SHROOM3: variants seen among roughly 807,000 people sequenced by gnomAD.
SHROOM3 encodes protein Shroom3.
SHROOM3 carries 47 observed loss-of-function variants against 138.6 expected under a neutral mutation model. The observed-to-expected ratio is 0.34, with a 90% CI of 0.27 to 0.43. The LOEUF is 0.43. SHROOM3 is among the 20% of genes least tolerant of loss of function. The pLI is 1.00. For missense variants in SHROOM3, 2,491 were observed against 2,596.5 expected, an observed-to-expected ratio of 0.96 and a Z score of 0.88; for synonymous variants, 1,062 against 1,063.3, an observed-to-expected ratio of 1.00 and a Z score of 0.02.
intron 2 of SHROOM3, among the ~76,000 whole-genome samples, chr4:76,612,323 A>T (rs1018787679): frequency 4.6e-5 from 7 of 152,174 alleles, no homozygotes; most frequent in Non-Finnish European, 8.8e-5. Flanking sequence ...TTAGCCAAAA[A>T]AGATATAAGT....
In SHROOM3 at chr4:76,739,430, T is replaced by G; in HGVS notation, c.1257T>G (p.Ser419=). The G allele has an allele frequency of 6.2e-7, 1 of 1,614,166 alleles. No homozygotes were observed. The highest frequency in any genetic ancestry group is 8.5e-7 in the Non-Finnish European group (1 of 1,180,038). The change falls in exon 5 of 11, where the codon TCT becomes TCG. Residue 419 remains serine (S), a synonymous_variant. Transcript: ENST00000296043. ...GGCTCTGCCGGCCTCAGGCAAACTC[T>G]TTAGGCTCCCTGAAGTCTCCATTCA... ...QKRLCRPQAN[S]LGSLKSPFIE... is the part of the protein sequence containing the mutation.
Position 76,741,898 on chromosome 4 carries a change from C to A in SHROOM3, c.3725C>A (p.Ser1242Ter). The change falls in exon 5 of 11, where the codon TCA (serine) becomes TAA (stop). Residue 1242 changes from serine (S) to a stop codon, truncating the protein, a stop_gained. Transcript: ENST00000296043. LOFTEE classifies it high-confidence loss of function. This position sits in a 1 kb window ranked among gnomAD's most constrained non-coding sequence, Gnocchi z 6.2. ...LAGPVHVRSR[S>*]SPATADKRQD... ...GGCCCTGTCCATGTGAGGTCCAGGTCATCTCCCGCCACCGCAGACAAGCGC... is the reference window on the plus strand; with the variant it reads ...GGCCCTGTCCATGTGAGGTCCAGGTAATCTCCCGCCACCGCAGACAAGCGC... The A allele has an allele frequency of 6.2e-7, 1 of 1,612,382 alleles. No homozygotes were observed. Among genetic ancestry groups the A allele is most frequent in the South Asian group, 1.1e-5 (1 of 90,956 alleles).
At chr4:76,593,260 C>G (rs1466584774) in intron 2 of SHROOM3, among the ~76,000 whole-genome samples, 3 of 152,160 alleles carry the variant, frequency 2.0e-5, no homozygotes, top group Admixed American at 2.0e-4. Flanking sequence ...GCTGATTAAT[C>G]AATCAATAGT....
intron 1 of SHROOM3, among the ~76,000 whole-genome samples, chr4:76,476,229 C>T (rs1037865565): frequency 6.6e-6 from 1 of 152,092 alleles, no homozygotes; most frequent in South Asian, 2.1e-4. Flanking sequence ...TTTGAAAACC[C>T]TTTGTTTTGA....
intron 2 of SHROOM3, among the ~76,000 whole-genome samples, chr4:76,593,841 A>C (rs4859694): frequency 0.59 from 89,908 of 151,944 alleles, 27,378 homozygotes; most frequent in East Asian, 0.85. Flanking sequence ...CAGTGTCACC[A>C]TGGTCCTGGT....
intron 9 of SHROOM3, among the ~76,000 whole-genome samples, chr4:76,766,093 G>C (rs1204025437): frequency 6.6e-6 from 1 of 152,198 alleles, no homozygotes; most frequent in Non-Finnish European, 1.5e-5. Context: ...CGTACCAGCT[G>C]CATGGCCTTG....
chr4:76,693,445 A>G (rs1364224348), intron 2 of SHROOM3, among the ~76,000 whole-genome samples: 1 of 135,280 alleles, frequency 7.4e-6, no homozygotes, highest in African/African-American at 2.8e-5. Flanking sequence ...GTGCAGTGGC[A>G]CAATCTTGGC....
intron 1 of SHROOM3, among the ~76,000 whole-genome samples, chr4:76,513,317 G>A (rs115182003): frequency 4.3e-4 from 64 of 148,236 alleles, no homozygotes; most frequent in African/African-American, 1.5e-3. Context: ...GATGTTTGAG[G>A]GGAAAATAAT....
chr4:76,610,353 A>G (rs566070023), intron 2 of SHROOM3, among the ~76,000 whole-genome samples: 1 of 152,318 alleles, frequency 6.6e-6, no homozygotes, highest in East Asian at 1.9e-4. Flanking sequence ...GTAATTTTGA[A>G]TTTCCTAAAA....
intron 10 of SHROOM3, among the ~76,000 whole-genome samples, chr4:76,771,937 A>C (rs1722374266): frequency 6.6e-6 from 1 of 152,126 alleles, no homozygotes; most frequent in Admixed American, 6.5e-5. Context: ...AAGCAGACAG[A>C]TCCTACCCTC....
At position 76,740,622 on chromosome 4, in the gene SHROOM3, A is replaced by G. The variant is rs1721217943; in HGVS notation, c.2449A>G (p.Thr817Ala). Residue 817 changes from threonine (T) to alanine (A), a missense_variant, in exon 5 of 11, where the codon ACT becomes GCT. By Grantham distance (58) the Thr-to-Ala change is moderately conservative (BLOSUM62 0). Around this residue, in one of 4 missense-constraint regions of SHROOM3, gnomAD observed 1,733 missense variants for 1,661.6 expected, o/e 1.04. Coordinates refer to ENST00000296043, the MANE Select transcript of SHROOM3 (RefSeq NM_020859.4). This position sits in a 1 kb window ranked among gnomAD's most constrained non-coding sequence, Gnocchi z 4.0. ...CTATAGGCCCCACAGGACCGTCTCA[A>G]CTTCCAGTACTTCTGGGAATGACTT... is the stretch of plus-strand genomic sequence containing the variant. ...HNYRPHRTVS[T>A]SSTSGNDFEE... is the part of the protein sequence containing the mutation. The G allele has an allele frequency of 2.5e-6, 4 of 1,614,192 alleles. No individual in the cohort carries two copies. The East Asian group carries it at 8.9e-5, about 36-fold the overall frequency.
chr4:76,553,011 C>T (rs926524745), intron 1 of SHROOM3, among the ~76,000 whole-genome samples: 29 of 152,326 alleles, frequency 1.9e-4, no homozygotes, highest in African/African-American at 7.0e-4. Context: ...CCCTCCTCTG[C>T]CCATTAACTT....
intron 1 of SHROOM3, among the ~76,000 whole-genome samples, chr4:76,470,782 T>C (rs963666910): frequency 6.6e-6 from 1 of 152,190 alleles, no homozygotes; most frequent in Non-Finnish European, 1.5e-5. Flanking sequence ...GAATTCATTA[T>C]TTTGTTAGAG....
intron 1 of SHROOM3, among the ~76,000 whole-genome samples, chr4:76,462,695 T>TCTCTCC (rs1161059508): frequency 5.5e-4 from 82 of 148,364 alleles, no homozygotes; most frequent in African/African-American, 1.3e-3. Flanking sequence ...TCTCCCTCTC[T>TCTCTCC]CTCTCCCTCT....
At chr4:76,778,497 T>C (rs1391877248) in intron 10 of SHROOM3, among the ~76,000 whole-genome samples, 1 of 152,154 alleles carries the variant, frequency 6.6e-6, no homozygotes, top group African/African-American at 2.4e-5. Context: ...GCTGGAATTA[T>C]AGGCGTGAGC....
At chr4:76,582,780 G>T (rs1734076713) in intron 2 of SHROOM3, among the ~76,000 whole-genome samples, 2 of 152,206 alleles carry the variant, frequency 1.3e-5, no homozygotes, top group African/African-American at 4.8e-5. Flanking sequence ...CTCCTCCAAG[G>T]ATGAGGAACA....
chr4:76,592,750 T>A (rs1211801683), intron 2 of SHROOM3, among the ~76,000 whole-genome samples: 1 of 152,214 alleles, frequency 6.6e-6, no homozygotes, highest in East Asian at 1.9e-4. Context: ...TCTTATTGAA[T>A]TCCACTGAAT....
intron 2 of SHROOM3, among the ~76,000 whole-genome samples, chr4:76,580,446 CTTTTTT>C (rs869200924): frequency 1.1e-5 from 1 of 88,088 alleles, no homozygotes; most frequent in African/African-American, 3.9e-5. Context: ...TGGGCAAGTT[CTTTTTT>C]TTTTTTTTTT....
intron 3 of SHROOM3, among the ~76,000 whole-genome samples, chr4:76,730,075 A>G (rs908438843): frequency 1.3e-5 from 2 of 152,224 alleles, no homozygotes; most frequent in East Asian, 1.9e-4. Flanking sequence ...CTGACTTTCT[A>G]TAGTCCTTAC....
Sources: allele counts gnomAD v4.1 joint callset (sites outside exome capture counted in the v4.1 genomes callset), GRCh38; gene constraint gnomAD v4.1.1; regional missense constraint gnomAD v4.1.1; non-coding constraint Gnocchi (gnomAD v3.1); transcripts MANE v1.5; gene names NCBI Gene and HGNC (gene_info 2026-07-23, HGNC 2026-07-21).